The following GPRC6A variants were observed in gnomAD, a reference collection of about 807,000 sequenced individuals.
GPRC6A encodes G protein-coupled receptor family C group 6 member A.
A neutral mutation model predicts 47.0 loss-of-function variants in GPRC6A; 54 were observed. That is an observed-to-expected ratio of 1.15 (90% CI 0.92 to 1.44). The LOEUF (loss-of-function observed/expected upper bound fraction) is 1.44. Among genes scored for constraint, GPRC6A ranks in the 40% most tolerant of loss-of-function variants. The pLI is 0.00. For missense variants in GPRC6A, 1,112 were observed against 1,105.5 expected (o/e 1.01, Z -0.08); for synonymous variants, 347 against 377.1 (o/e 0.92, Z 0.93).
In GPRC6A at chr6:116,797,463, G is replaced by A. The variant is rs554767161; in HGVS notation, c.1549-1628C>T. ...ACCAGAAATGTCAATACCCTAACTA[G>A]CCTGCAAATTGACAAATCCGGAAAT... On this transcript the variant is annotated intron_variant, in intron 4 of 5. Transcript: ENST00000310357. Among the ~76,000 whole-genome samples, 3 of 152,284 alleles carry A rather than the reference G, an allele frequency of 2.0e-5. No individual in the cohort carries two copies. The East Asian group carries it at 5.8e-4, about 29-fold the overall frequency.
intron 1 of GPRC6A, among the ~76,000 whole-genome samples, chr6:116,816,951 G>C (rs1444611624): frequency 2.0e-5 from 3 of 152,252 alleles, no homozygotes; most frequent in African/African-American, 4.8e-5. Context: ...GTGGCAGCGA[G>C]GCTGGGGGAG....
intron 1 of GPRC6A, among the ~76,000 whole-genome samples, chr6:116,823,649 CT>C (rs1773582341): frequency 6.6e-6 from 1 of 152,064 alleles, no homozygotes; most frequent in African/African-American, 2.4e-5. Flanking sequence ...TACCAAGTTT[CT>C]GTATTAGCCC....
At chr6:116,796,491 CTA>C (rs1187547122) in intron 4 of GPRC6A, among the ~76,000 whole-genome samples, 1 of 152,126 alleles carries the variant, frequency 6.6e-6, no homozygotes, top group Non-Finnish European at 1.5e-5. Context: ...TGCATTTCAG[CTA>C]TGTTATTCTC....
chr6:116,816,793 C>T (rs933068079), intron 1 of GPRC6A, among the ~76,000 whole-genome samples: 4 of 152,116 alleles, frequency 2.6e-5, no homozygotes, highest in Admixed American at 6.5e-5. Context: ...CCTGGAAAAT[C>T]GGGTCACTCC....
At chr6:116,797,218 A>AT (rs2114580838) in intron 4 of GPRC6A, among the ~76,000 whole-genome samples, 2 of 152,172 alleles carry the variant, frequency 1.3e-5, no homozygotes, top group South Asian at 4.2e-4. Flanking sequence ...TGAACTCATC[A>AT]TTTTTTATGG....
At chr6:116,811,934 A>G (rs769222461) in intron 1 of GPRC6A, among the ~76,000 whole-genome samples, 1 of 152,192 alleles carries the variant, frequency 6.6e-6, no homozygotes, top group Non-Finnish European at 1.5e-5. Context: ...AGGTAAAGAG[A>G]TATTGAAATA....
Position 116,793,230 on chromosome 6 carries a change from A to C in GPRC6A, c.1693T>G (p.Cys565Gly). The C allele has an allele frequency of 6.3e-7, 1 of 1,598,292 alleles. No homozygotes were observed. Among genetic ancestry groups the C allele is most frequent in the Non-Finnish European group, 8.5e-7 (1 of 1,173,782 alleles). Residue 565 changes from cysteine (C) to glycine (G), a missense_variant, in exon 6 of 6, where the codon TGC becomes GGC. Physicochemically the swap from Cys to Gly is radical, Grantham distance 159 (BLOSUM62 -3). Transcript: ENST00000310357. ...NQTDMPHCLL[C>G]NNKTHWAPVR... ...GGGGCCCAGTGAGTTTTGTTGTTGCATAAAAGGCAGTGAGGCATATCTAAA... is the reference window on the plus strand; with the variant it reads ...GGGGCCCAGTGAGTTTTGTTGTTGCCTAAAAGGCAGTGAGGCATATCTAAA...
Position 116,809,529 on chromosome 6 carries a change from G to T in GPRC6A, c.283C>A (p.Leu95Met). ...CAAGTGTCATAGATTTCATACCCCA[G>T]TTTGACTCCAGGTAAGAGTGTTGAA... ...NNSTLLPGVK[L>M]GYEIYDTCTE... Residue 95 changes from leucine to methionine, a missense_variant, in exon 2 of 6, where the codon CTG (leucine) becomes ATG (methionine). Leu to Met is a conservative substitution (Grantham distance 15). Transcript: ENST00000310357. 6.2e-7 allele frequency: 1 copy of T among 1,612,994 alleles called. No homozygotes were observed. The highest frequency in any genetic ancestry group is 8.5e-7 in the Non-Finnish European group (1 of 1,179,150).
At chr6:116,805,910 C>A (rs1339745258) in intron 3 of GPRC6A, among the ~76,000 whole-genome samples, 2 of 152,014 alleles carry the variant, frequency 1.3e-5, no homozygotes, top group Non-Finnish European at 2.9e-5. Context: ...GGATTATAAA[C>A]CACCAAAGAC....
chr6:116,821,471 G>T (rs897295149), intron 1 of GPRC6A, among the ~76,000 whole-genome samples: 69 of 151,570 alleles, frequency 4.6e-4, no homozygotes, highest in African/African-American at 8.8e-4. Flanking sequence ...ACTACAAGGC[G>T]ACAGTAACCA....
At chr6:116,807,271 T>C in intron 2 of GPRC6A, 65 bp from the exon 3 acceptor site, 1 of 909,062 alleles carries the variant, frequency 1.1e-6, no homozygotes, top group East Asian at 2.4e-5. Context: ...TCACAGTAGG[T>C]GTTCCTTTCT....
chr6:116,814,454 G>A (rs1389608039), intron 1 of GPRC6A, among the ~76,000 whole-genome samples: 1 of 152,086 alleles, frequency 6.6e-6, no homozygotes, highest in African/African-American at 2.4e-5. Context: ...TCCTTTGTAG[G>A]GACATGGATG....
chr6:116,809,622 T>C lies in GPRC6A; in HGVS notation c.195-5A>G, dbSNP rs776699635. The C allele has an allele frequency of 1.9e-6, 3 of 1,598,440 alleles. No individual in the cohort carries two copies. Reference sequence around the variant, plus strand: ...AGAAAAACTGATATTTCAAAGCTGTTGGGAAACAAGTATTTTTTGAAATCA... The same window carrying C: ...AGAAAAACTGATATTTCAAAGCTGTCGGGAAACAAGTATTTTTTGAAATCA... On this transcript the variant is annotated splice_region_variant and splice_polypyrimidine_tract_variant and intron_variant, in intron 1 of 5. Coordinates refer to ENST00000310357, the MANE Select transcript of GPRC6A (RefSeq NM_148963.4).
chr6:116,810,759 T>G (rs1772996672), intron 1 of GPRC6A, among the ~76,000 whole-genome samples: 1 of 151,972 alleles, frequency 6.6e-6, no homozygotes, highest in Non-Finnish European at 1.5e-5. Flanking sequence ...AAATTTTAAT[T>G]TAATTAAAAT....
chr6:116,817,811 C>T (rs1048239311), intron 1 of GPRC6A, among the ~76,000 whole-genome samples: 3 of 151,818 alleles, frequency 2.0e-5, no homozygotes, highest in South Asian at 4.2e-4. Context: ...TGAAATGAAG[C>T]GAGAAGGGAA....
rs534297349 is a variant in GPRC6A at position 116,802,624 on chromosome 6, C to T, written c.1336-1828G>A. On this transcript the variant is annotated intron_variant, in intron 3 of 5. Transcript: ENST00000310357. ...GTTAGAGAAGAGCAGAGGAAACATC[C>T]TTGCCTCTGTGTCCTGATGCCCAGA... Among the ~76,000 whole-genome samples the T allele has an allele frequency of 1.2e-4, 19 of 152,238 alleles. No individual in the cohort carries two copies. The South Asian group carries it at 3.9e-3, about 32-fold the overall frequency.
At position 116,792,311 on chromosome 6, in the gene GPRC6A, A is replaced by T. The variant is rs1486300162; in HGVS notation, c.2612T>A (p.Leu871Gln). 1 of 1,613,952 alleles carries T rather than the reference A, an allele frequency of 6.2e-7. No individual in the cohort carries two copies. The highest frequency in any genetic ancestry group is 8.5e-7 in the Non-Finnish European group (1 of 1,179,842). The stretch of plus-strand genomic sequence containing the variant: ...TGTGACATTGCCGCTCATGGAGTCC[A>T]GTGAAGCAGGACTCAGGGCAATGCT... ...VSSIALSPAS[L>Q]DSMSGNVTMT... The change falls in exon 6 of 6, where the codon CTG (leucine) becomes CAG (glutamine). Residue 871 changes from leucine (L) to glutamine (Q), a missense_variant. Physicochemically the swap from Leu to Gln is moderately radical, Grantham distance 113 (BLOSUM62 -2). Coordinates refer to ENST00000310357, the MANE Select transcript of GPRC6A (RefSeq NM_148963.4).
intron 1 of GPRC6A, among the ~76,000 whole-genome samples, chr6:116,819,264 C>T (rs1367831357): frequency 1.3e-5 from 2 of 150,408 alleles, no homozygotes; most frequent in Non-Finnish European, 3.0e-5. Flanking sequence ...TAATGGGAGA[C>T]TTTAACACCC....
intron 4 of GPRC6A, among the ~76,000 whole-genome samples, chr6:116,798,592 C>T (rs565274117): frequency 6.6e-6 from 1 of 152,148 alleles, no homozygotes; most frequent in South Asian, 2.1e-4. Context: ...GTTTTGAAAA[C>T]AGACTGAAGG....
Sources: gnomAD v4.1 joint callset for allele counts (sites outside exome capture counted in the v4.1 genomes callset) on GRCh38, gnomAD v4.1.1 for gene constraint, MANE v1.5 for transcripts, NCBI Gene and HGNC (gene_info 2026-07-23, HGNC 2026-07-21) for gene names.